Variants in MAML1 observed in about 807,000 individuals in gnomAD.
The protein encoded by MAML1 is mastermind like transcriptional coactivator 1.
A neutral mutation model predicts 77.1 loss-of-function variants in MAML1; 14 were observed. The observed-to-expected ratio is 0.18, with a 90% CI of 0.12 to 0.28. MAML1 has a LOEUF of 0.28. Ranked by LOEUF, MAML1 falls within the 10% of genes least tolerant of loss-of-function variation. The pLI is 1.00. For synonymous variants in MAML1, 516 were observed against 551.9 expected (o/e 0.93, Z 0.91); for missense variants, 1,217 against 1,327.8 (o/e 0.92, Z 1.30).
chr5:179,760,727 G>T (rs1779708486), intron 1 of MAML1, among the ~76,000 whole-genome samples: 1 of 152,120 alleles, frequency 6.6e-6, no homozygotes, highest in South Asian at 2.1e-4. Flanking sequence ...CTTCTCAAAG[G>T]ATACTAGAAA....
At chr5:179,737,946 A>G (rs1779204407) in intron 1 of MAML1, among the ~76,000 whole-genome samples, 1 of 123,796 alleles carries the variant, frequency 8.1e-6, no homozygotes, top group African/African-American at 2.6e-5. Flanking sequence ...ACAGGTGTGC[A>G]CCACCGCACC....
At chr5:179,773,664 AC>A in intron 4 of MAML1, 1 of 835,826 alleles carries the variant, frequency 1.2e-6, no homozygotes, top group Non-Finnish European at 1.4e-6. Context: ...GAAGTAGGTC[AC>A]TGGTTTTCTC....
At chr5:179,756,497 A>T (rs765249633) in intron 1 of MAML1, among the ~76,000 whole-genome samples, 1 of 151,922 alleles carries the variant, frequency 6.6e-6, no homozygotes, top group African/African-American at 2.4e-5. Context: ...CCTGAAAGAC[A>T]TTCAGTTTAA....
chr5:179,760,398 G>T (rs1257328654), intron 1 of MAML1, among the ~76,000 whole-genome samples: 3 of 152,154 alleles, frequency 2.0e-5, no homozygotes, highest in African/African-American at 7.2e-5. Context: ...TTAGAGGGAA[G>T]AGGTGCTCTG....
rs1217498195 is a variant in MAML1 at position 179,733,071 on chromosome 5, G to A, written c.-42G>A. 1.6e-6 allele frequency: 2 copies of A among 1,218,258 alleles called. No homozygotes were observed. The highest frequency in any genetic ancestry group is 1.6e-5 in the African/African-American group (1 of 62,562). 75.5% of individuals were successfully genotyped at this position (1,218,258 alleles called of 1,614,324 possible). On this transcript the variant is annotated 5_prime_UTR_variant, in exon 1 of 5. Coordinates refer to ENST00000292599, the MANE Select transcript of MAML1 (RefSeq NM_014757.5). Reference sequence around the variant, plus strand: ...GAAGCCCGCAGTGCCAGCCGGCCCCGAGAGGCCCGGCCCCGGGCCCGGCCC... The same window carrying A: ...GAAGCCCGCAGTGCCAGCCGGCCCCAAGAGGCCCGGCCCCGGGCCCGGCCC...
chr5:179,753,648 ATTATTATT>A (rs1228113959), intron 1 of MAML1, among the ~76,000 whole-genome samples: 1 of 38,284 alleles, frequency 2.6e-5, no homozygotes, highest in Non-Finnish European at 5.1e-5. Flanking sequence ...TTTTATTATT[ATTATTATT>A]TTTTTTTTTT....
intron 1 of MAML1, among the ~76,000 whole-genome samples, chr5:179,754,455 A>G (rs1562561265): frequency 1.3e-5 from 2 of 152,014 alleles, no homozygotes; most frequent in African/African-American, 4.8e-5. Context: ...TTAGCTGAGT[A>G]TGGTGGCGCA....
intron 1 of MAML1, among the ~76,000 whole-genome samples, chr5:179,749,835 C>T (rs962627100): frequency 6.6e-6 from 1 of 152,152 alleles, no homozygotes; most frequent in African/African-American, 2.4e-5. Flanking sequence ...AGCTTAGAAA[C>T]AGGAAGTACA....
At chr5:179,772,360 G>A (rs1014998461) in intron 4 of MAML1, among the ~76,000 whole-genome samples, 2 of 152,148 alleles carry the variant, frequency 1.3e-5, no homozygotes, top group Non-Finnish European at 2.9e-5. Context: ...CTCGTGATCT[G>A]CCCGCCTTGG....
chr5:179,774,208 A>G lies in MAML1; in HGVS notation c.2382A>G (p.Ser794=). The stretch of plus-strand genomic sequence containing the variant: ...ACGTGGGCCAGAACACCTCCGTCTC[A>G]GCTGCCTATGGGCAGAACTCTCTGG... ...QTNVGQNTSV[S]AAYGQNSLGS... is the part of the protein sequence containing the mutation. Residue 794 remains serine, a synonymous_variant, in exon 5 of 5, where the codon TCA becomes TCG. Coordinates refer to ENST00000292599, the MANE Select transcript of MAML1 (RefSeq NM_014757.5). 6.2e-7 allele frequency: 1 copy of G among 1,613,456 alleles called. No individual in the cohort carries two copies. The highest frequency in any genetic ancestry group is 8.5e-7 in the Non-Finnish European group (1 of 1,179,926).
intron 1 of MAML1, among the ~76,000 whole-genome samples, chr5:179,741,100 A>G (rs185761764): frequency 6.6e-6 from 1 of 151,992 alleles, no homozygotes; most frequent in Non-Finnish European, 1.5e-5. Context: ...CCTTTTTCCT[A>G]CCAAATCATA....
chr5:179,763,938 ATAAAG>A (rs1278177480), intron 1 of MAML1, among the ~76,000 whole-genome samples: 3 of 152,312 alleles, frequency 2.0e-5, no homozygotes, highest in East Asian at 1.9e-4. Context: ...CAAAAACGTA[ATAAAG>A]TAAACACAGG....
At chr5:179,734,272 A>G (rs921918094) in intron 1 of MAML1, among the ~76,000 whole-genome samples, 1 of 152,178 alleles carries the variant, frequency 6.6e-6, no homozygotes, top group African/African-American at 2.4e-5. Context: ...TCATACCTTT[A>G]TTATCTCTCA....
intron 1 of MAML1, among the ~76,000 whole-genome samples, chr5:179,743,374 T>TTC (rs1284530558): frequency 6.9e-6 from 1 of 145,684 alleles, no homozygotes; most frequent in East Asian, 2.0e-4. Context: ...CTTTTTTTTT[T>TTC]TTTTTTTTTT....
At chr5:179,742,421 G>A (rs1779300371) in intron 1 of MAML1, among the ~76,000 whole-genome samples, 2 of 151,852 alleles carry the variant, frequency 1.3e-5, no homozygotes, top group South Asian at 2.1e-4. Flanking sequence ...CCTGGGCACC[G>A]GAGGTTGCAG....
chr5:179,733,447 G>A lies in MAML1; in HGVS notation c.315+20G>A. On this transcript the variant is annotated intron_variant, in intron 1 of 4. Coordinates refer to ENST00000292599, the MANE Select transcript of MAML1 (RefSeq NM_014757.5). Reference sequence around the variant, plus strand: ...GCCACGGTGAGTAGGGCGCGGGAAGGCGCTTGTCGTGGCGGCAGCCCCCTC... The same window carrying A: ...GCCACGGTGAGTAGGGCGCGGGAAGACGCTTGTCGTGGCGGCAGCCCCCTC... 9.2e-7 allele frequency: 1 copy of A among 1,091,088 alleles called. No homozygotes were observed. The highest frequency in any genetic ancestry group is 5.1e-5 in the Admixed American group (1 of 19,744). 67.6% of individuals were successfully genotyped at this position (1,091,088 alleles called of 1,614,324 possible).
Position 179,776,147 on chromosome 5 carries a change from C to T in MAML1, c.*1270C>T, listed in dbSNP as rs1412369093. 1.6e-5 allele frequency: 16 copies of T among 985,760 alleles called. No individual in the cohort carries two copies. The highest frequency in any genetic ancestry group is 1.8e-5 in the Non-Finnish European group (15 of 829,954). 61.1% of individuals were successfully genotyped at this position (985,760 alleles called of 1,614,324 possible). ...AGATGGAGAGAGCACTTCCCCGTAA[C>T]GAAAGCAAAGTGGTAAGCACAGGGT... On this transcript the variant is annotated 3_prime_UTR_variant, in exon 5 of 5. Transcript: ENST00000292599.
intron 1 of MAML1, among the ~76,000 whole-genome samples, chr5:179,758,460 A>G (rs1455189944): frequency 1.3e-5 from 2 of 148,346 alleles, no homozygotes; most frequent in African/African-American, 5.0e-5. Context: ...TGGCACGATC[A>G]TGGCTCACCG....
At chr5:179,749,213 C>T (rs941403563) in intron 1 of MAML1, among the ~76,000 whole-genome samples, 3 of 152,114 alleles carry the variant, frequency 2.0e-5, no homozygotes, top group South Asian at 2.1e-4. Flanking sequence ...CTGCAACCTC[C>T]GCCTCTGGGT....
Sources: allele counts gnomAD v4.1 joint callset (sites outside exome capture counted in the v4.1 genomes callset), GRCh38; gene constraint gnomAD v4.1.1; transcripts MANE v1.5; gene names NCBI Gene and HGNC (gene_info 2026-07-23, HGNC 2026-07-21).